ZAP70: variants seen among roughly 807,000 people sequenced by gnomAD.
ZAP70 encodes zeta chain of T cell receptor associated protein kinase 70, also known as tyrosine-protein kinase ZAP-70.
In ZAP70, 27 loss-of-function variants were observed where a neutral mutation model predicts 65.8. That is an observed-to-expected ratio of 0.41 (90% CI 0.30 to 0.57). The LOEUF is 0.57. Among genes scored for constraint, ZAP70 ranks in the 20% least tolerant of loss-of-function variants. ZAP70 has a pLI of 0.28. For missense variants in ZAP70, 696 were observed against 870.5 expected, an observed-to-expected ratio of 0.80 and a Z score of 2.52; for synonymous variants, 363 against 360.8, an observed-to-expected ratio of 1.01 and a Z score of -0.07.
downstream of ZAP70, among the ~76,000 whole-genome samples, chr2:97,743,726 ATTCTCTATTTCCTCAGACGTAAATTC>A (rs1678184665): frequency 6.6e-6 from 1 of 152,192 alleles, no homozygotes; most frequent in African/African-American, 2.4e-5. Flanking sequence ...TTGCACTATT[ATTCTCTATTTCCTCAGACGTAAATTC>A]TTCCAGTTGG....
the ZAP70 span, among the ~76,000 whole-genome samples, chr2:97,752,631 T>A: frequency 6.6e-6 from 1 of 152,254 alleles, no homozygotes; most frequent in Non-Finnish European, 1.5e-5. Flanking sequence ...GAATGACCTT[T>A]TACTATTACT....
the ZAP70 span, among the ~76,000 whole-genome samples, chr2:97,755,220 G>A: frequency 1.3e-5 from 2 of 152,128 alleles, no homozygotes; most frequent in Non-Finnish European, 2.9e-5. Context: ...GTGTCTGTGT[G>A]AACTCAACAG....
the ZAP70 span, among the ~76,000 whole-genome samples, chr2:97,748,729 T>A: frequency 1.3e-5 from 2 of 152,248 alleles, no homozygotes; most frequent in Non-Finnish European, 2.9e-5. Flanking sequence ...CTACCCAGCA[T>A]GCACTCTCCA....
chr2:97,748,826 CAT>C, the ZAP70 span, among the ~76,000 whole-genome samples: 1 of 152,078 alleles, frequency 6.6e-6, no homozygotes, highest in South Asian at 2.1e-4. Context: ...TTCTAGTTTC[CAT>C]ATATAGCTTC....
At chr2:97,727,195 C>T (rs1217602962) in intron 4 of ZAP70, among the ~76,000 whole-genome samples, 1 of 152,264 alleles carries the variant, frequency 6.6e-6, no homozygotes, top group Non-Finnish European at 1.5e-5. Flanking sequence ...CAAAGCAAGT[C>T]ATACGACCAA....
intron 2 of ZAP70, 54 bp from the exon 3 acceptor site, chr2:97,723,962 C>T: frequency 6.6e-7 from 1 of 1,526,206 alleles, no homozygotes; most frequent in Non-Finnish European, 8.8e-7. Context: ...TTGGGCCCAA[C>T]GCACCAGGTT....
At chr2:97,721,084 A>G (rs772134737) in intron 2 of ZAP70, among the ~76,000 whole-genome samples, 27 of 152,220 alleles carry the variant, frequency 1.8e-4, no homozygotes, top group Non-Finnish European at 3.4e-4. Context: ...CAGAACCGCT[A>G]TGGAGAGGTA....
Position 97,731,218 on chromosome 2 carries a change from A to C in ZAP70, c.564-1665A>C, listed in dbSNP as rs1266756691. On this transcript the variant is annotated intron_variant, in intron 4 of 13. Transcript: ENST00000264972. This position sits in a 1 kb window ranked among gnomAD's most constrained non-coding sequence, Gnocchi z 4.0. ...ACAGTCCCTGGAGACCATCACCTCC[A>C]GGCCAGCCTGCCACCTGCCTCTGAC... Among the ~76,000 whole-genome samples the C allele has an allele frequency of 6.6e-6, 1 of 152,152 alleles. No individual in the cohort carries two copies.
the ZAP70 span, among the ~76,000 whole-genome samples, chr2:97,751,208 T>C: frequency 6.6e-6 from 1 of 152,214 alleles, no homozygotes; most frequent in East Asian, 1.9e-4. Context: ...ACAGATCGTA[T>C]GGGGAGCATA....
At chr2:97,725,322 C>T in intron 4 of ZAP70, 70 bp downstream of exon 4, 1 of 1,583,638 alleles carries the variant, frequency 6.3e-7, no homozygotes, top group Non-Finnish European at 8.6e-7. Context: ...GGGACTGGGG[C>T]AGACGTGAGT....
In ZAP70 at chr2:97,724,167, G is replaced by A. The variant is rs1232545576; in HGVS notation, c.131G>A (p.Gly44Asp). ...FLLRQCLRSL[G>D]GYVLSLVHDV... The stretch of plus-strand genomic sequence containing the variant: ...CTGCGCCAGTGCCTGCGCTCGCTGG[G>A]CGGCTATGTGCTGTCGCTCGTGCAC... Residue 44 changes from glycine to aspartate, a missense_variant, in exon 3 of 14, where the codon GGC becomes GAC. Physicochemically the swap from Gly to Asp is moderately conservative, Grantham distance 94 (BLOSUM62 -1). This residue lies in a region of ZAP70 where 551 missense variants were observed against 630.0 expected (regional missense o/e 0.87). Transcript: ENST00000264972. The A allele has an allele frequency of 2.5e-6, 4 of 1,585,872 alleles. No homozygotes were observed. The highest frequency in any genetic ancestry group is 3.4e-6 in the Non-Finnish European group (4 of 1,166,872).
intron 3 of ZAP70, 146 bp from the exon 4 acceptor site, chr2:97,724,946 C>G: frequency 6.5e-7 from 1 of 1,534,318 alleles, no homozygotes; most frequent in South Asian, 1.2e-5. Flanking sequence ...GGAGATGGCG[C>G]GGAGGTAGTC....
At chr2:97,749,261 G>C in the ZAP70 span, among the ~76,000 whole-genome samples, 1 of 152,070 alleles carries the variant, frequency 6.6e-6, no homozygotes, top group Non-Finnish European at 1.5e-5. Context: ...CGCCTGCCTC[G>C]GCCTCCCAAA....
intron 4 of ZAP70, among the ~76,000 whole-genome samples, chr2:97,726,051 A>T (rs1677376881): frequency 6.6e-6 from 1 of 152,084 alleles, no homozygotes; most frequent in Admixed American, 6.5e-5. Flanking sequence ...CCTGTGGTTG[A>T]CAGCAGTACC....
Position 97,736,135 on chromosome 2 carries a change from A to G in ZAP70, c.1289+679A>G, listed in dbSNP as rs1401072254. ...AAAGTGCCCATTGCCAGTTATCTGG[A>G]ACCTGCCCTTTGTTTACGTGCTGCG... On this transcript the variant is annotated intron_variant, in intron 10 of 13. Transcript: ENST00000264972. This position sits in a 1 kb window ranked among gnomAD's most constrained non-coding sequence, Gnocchi z 4.0. Among the ~76,000 whole-genome samples the G allele has an allele frequency of 6.6e-6, 1 of 152,178 alleles. No individual in the cohort carries two copies. The highest frequency in any genetic ancestry group is 1.5e-5 in the Non-Finnish European group (1 of 68,024).
chr2:97,723,948 G>A (rs966963330), intron 2 of ZAP70, 68 bp from the exon 3 acceptor site: 1 of 1,516,428 alleles, frequency 6.6e-7, no homozygotes, highest in African/African-American at 1.4e-5. Flanking sequence ...CTCTCGCGCC[G>A]TCTTTGGGCC....
rs751972851 is a variant in ZAP70 at position 97,737,694 on chromosome 2, T to C, written c.1482+29T>C. The C allele has an allele frequency of 7.4e-6, 12 of 1,613,950 alleles. No individual in the cohort carries two copies. In the African/African-American group the frequency reaches 1.6e-4, roughly 22 times the overall value. ...AGCCTCTGCCCCTGTGATGCCCGAC[T>C]GGATGGGCTGGGTGGGTAGAGGGTC... is the stretch of plus-strand genomic sequence containing the variant. On this transcript the variant is annotated intron_variant, in intron 11 of 13. Transcript: ENST00000264972. The surrounding 1 kb of genome is among the most constrained non-coding windows in gnomAD (Gnocchi z 5.0).
chr2:97,726,149 G>A (rs906617179), intron 4 of ZAP70, among the ~76,000 whole-genome samples: 2 of 151,434 alleles, frequency 1.3e-5, no homozygotes, highest in African/African-American at 4.9e-5. Flanking sequence ...TGCGGTAAAT[G>A]TTAGCTTTTA....
At chr2:97,756,011 T>C in the ZAP70 span, among the ~76,000 whole-genome samples, 2 of 152,238 alleles carry the variant, frequency 1.3e-5, no homozygotes, top group African/African-American at 4.8e-5. Flanking sequence ...CCCAAAGTGT[T>C]AGCCAGGTAC....
Sources: allele counts gnomAD v4.1 joint callset (sites outside exome capture counted in the v4.1 genomes callset), GRCh38; gene constraint gnomAD v4.1.1; regional missense constraint gnomAD v4.1.1; non-coding constraint Gnocchi (gnomAD v3.1); transcripts MANE v1.5; gene names NCBI Gene and HGNC (gene_info 2026-07-23, HGNC 2026-07-21).